The following ZNF516 variants were observed in gnomAD, a reference collection of about 807,000 sequenced individuals.
ZNF516 encodes zinc finger protein 516.
In ZNF516, 19 loss-of-function variants were observed where a neutral mutation model predicts 79.7. The ratio of observed to expected loss-of-function variants is 0.24; its 90% CI spans 0.17 to 0.35. The LOEUF (loss-of-function observed/expected upper bound fraction) is 0.35, where lower values mean the gene tolerates loss of function less well. Among genes scored for constraint, ZNF516 ranks in the 10% least tolerant of loss-of-function variants. The pLI is 1.00. For synonymous variants in ZNF516, 877 were observed against 739.5 expected (o/e 1.19, Z -3.02); for missense variants, 1,678 against 1,679.5 (o/e 1.00, Z 0.02).
In ZNF516 at chr18:76,459,129, G is replaced by A. The variant is rs181219633; in HGVS notation, c.-158+3899C>T. ...ATCTACCAGCAACACTCGTGCCCAT[G>A]TGCCTGGATTACCAGCTTCGCACAG... On this transcript the variant is annotated intron_variant, in intron 2 of 6. Transcript: ENST00000443185. This position sits in a 1 kb window ranked among gnomAD's most constrained non-coding sequence, Gnocchi z 5.0. Among the ~76,000 whole-genome samples the A allele has an allele frequency of 8.4e-4, 128 of 152,350 alleles. No individual in the cohort carries two copies. Among genetic ancestry groups the A allele is most frequent in the African/African-American group, 2.7e-3 (112 of 41,582 alleles).
In ZNF516 at chr18:76,459,070, AC is replaced by A. The variant is rs1285204040; in HGVS notation, c.-158+3957del. 6.6e-6 allele frequency among the ~76,000 whole-genome samples: 1 copy of A among 152,180 alleles called. No individual in the cohort carries two copies. The highest frequency in any genetic ancestry group is 1.9e-4 in the East Asian group (1 of 5,178). ...ATAAAAGCACTCATTCAAATACCCT[AC>A]CTGGAGGCAAACACGCATGTCCACT... is the stretch of plus-strand genomic sequence containing the variant. On this transcript the variant is annotated intron_variant, in intron 2 of 6. Transcript: ENST00000443185. This position sits in a 1 kb window ranked among gnomAD's most constrained non-coding sequence, Gnocchi z 5.0.
At chr18:76,492,873 G>C in intron 1 of ZNF516, 1 of 985,726 alleles carries the variant, frequency 1.0e-6, no homozygotes, top group Non-Finnish European at 1.2e-6. Context: ...TCGAATAAAA[G>C]CGTGTCCACG....
chr18:76,359,577 G>A lies in ZNF516; in HGVS notation c.*2921C>T, dbSNP rs111592541. 1 of 152,288 alleles carries A rather than the reference G, an allele frequency of 6.6e-6. No individual in the cohort carries two copies. Among genetic ancestry groups the A allele is most frequent in the African/African-American group, 2.4e-5 (1 of 41,550 alleles). The allele number at this position is 152,288 out of a possible 1,614,324, so 9.4% of individuals were successfully genotyped here. On this transcript the variant is annotated 3_prime_UTR_variant, in exon 7 of 7. Transcript: ENST00000443185. ...TATGAGCAGGAAACAGGAGAGTATAGGAAGGCAGGCCAGGGTGCAGCCAGG... is the reference window on the plus strand; with the variant it reads ...TATGAGCAGGAAACAGGAGAGTATAAGAAGGCAGGCCAGGGTGCAGCCAGG...
chr18:76,395,650 C>A (rs573538741), intron 3 of ZNF516, among the ~76,000 whole-genome samples: 204 of 152,114 alleles, frequency 1.3e-3, no homozygotes, highest in African/African-American at 4.4e-3. Context: ...CATCCCAGAG[C>A]TACAGTCACT....
In ZNF516 at chr18:76,484,467, T is replaced by C. The variant is rs1914714199; in HGVS notation, c.-272+10677A>G. 2.6e-5 allele frequency among the ~76,000 whole-genome samples: 4 copies of C among 152,180 alleles called. No individual in the cohort carries two copies. In the South Asian group the frequency reaches 8.3e-4, roughly 32 times the overall value. On this transcript the variant is annotated intron_variant, in intron 1 of 6. Coordinates refer to ENST00000443185, the MANE Select transcript of ZNF516 (RefSeq NM_014643.4). Reference sequence around the variant, plus strand: ...CAAGTCAATGTAACACTCCTAACGATATAACACCGTGCTCTAAAATGGCGG... The same window carrying C: ...CAAGTCAATGTAACACTCCTAACGACATAACACCGTGCTCTAAAATGGCGG...
intron 3 of ZNF516, among the ~76,000 whole-genome samples, chr18:76,440,142 A>G (rs2075796539): frequency 6.6e-6 from 1 of 152,236 alleles, no homozygotes; most frequent in Admixed American, 6.5e-5. Context: ...AGGAGAAAAG[A>G]CTTGCCTTCT....
intron 3 of ZNF516, among the ~76,000 whole-genome samples, chr18:76,413,032 C>T (rs1028120891): frequency 1.3e-5 from 2 of 152,198 alleles, no homozygotes; most frequent in Non-Finnish European, 2.9e-5. Context: ...ACTGCACCTG[C>T]CAAGGTAATG....
At chr18:76,494,279 G>A (rs1303231985) in intron 1 of ZNF516, among the ~76,000 whole-genome samples, 1 of 152,150 alleles carries the variant, frequency 6.6e-6, no homozygotes, top group Non-Finnish European at 1.5e-5. Context: ...CCCTGGAAAT[G>A]GCAGCGGAGG....
chr18:76,411,305 C>G (rs945818551), intron 3 of ZNF516, among the ~76,000 whole-genome samples: 1 of 152,208 alleles, frequency 6.6e-6, no homozygotes, highest in Non-Finnish European at 1.5e-5. Context: ...TCACTGCACC[C>G]CAGCTACACA....
intron 1 of ZNF516, among the ~76,000 whole-genome samples, chr18:76,464,499 C>A (rs1234711296): frequency 6.6e-6 from 1 of 152,256 alleles, no homozygotes; most frequent in Admixed American, 6.5e-5. Flanking sequence ...AGGTGCAGAG[C>A]CCCCAGACCT....
At chr18:76,490,413 G>C (rs1463217034) in intron 1 of ZNF516, among the ~76,000 whole-genome samples, 1 of 152,242 alleles carries the variant, frequency 6.6e-6, no homozygotes, top group Non-Finnish European at 1.5e-5. Context: ...AAGTGAAAAT[G>C]AAGCTGGAAC....
At chr18:76,404,865 G>A (rs2075283754) in intron 3 of ZNF516, among the ~76,000 whole-genome samples, 1 of 152,208 alleles carries the variant, frequency 6.6e-6, no homozygotes, top group South Asian at 2.1e-4. Flanking sequence ...GTGAGCATCT[G>A]TCCATGTATG....
intron 1 of ZNF516, among the ~76,000 whole-genome samples, chr18:76,463,836 A>AG (rs1485012025): frequency 6.6e-6 from 1 of 152,254 alleles, no homozygotes; most frequent in Admixed American, 6.5e-5. Flanking sequence ...AACAGACACT[A>AG]GCAAAGTATT....
chr18:76,370,397 A>G (rs2074682972), intron 6 of ZNF516, 131 bp downstream of exon 6: 2 of 890,840 alleles, frequency 2.2e-6, no homozygotes, highest in Non-Finnish European at 3.3e-6. Flanking sequence ...TCCAAGTCAA[A>G]GCATATAGGA....
At chr18:76,485,035 CTTA>C (rs1320653102) in intron 1 of ZNF516, among the ~76,000 whole-genome samples, 2 of 108,804 alleles carry the variant, frequency 1.8e-5, no homozygotes, top group Non-Finnish European at 4.2e-5. Flanking sequence ...TAGGAATTCA[CTTA>C]TTTATTAACA....
At chr18:76,453,519 G>GA (rs1175723982) in intron 2 of ZNF516, among the ~76,000 whole-genome samples, 3 of 152,132 alleles carry the variant, frequency 2.0e-5, no homozygotes, top group African/African-American at 7.2e-5. Flanking sequence ...CAGAAACACT[G>GA]AAAACCTAGG....
Position 76,360,350 on chromosome 18 carries a change from C to T in ZNF516, c.*2148G>A, listed in dbSNP as rs932015485. The stretch of plus-strand genomic sequence containing the variant: ...ACTGGGTCACTAGTCCCTGACATTC[C>T]TAACAGTCACCATTCACTTTCAGCC... On this transcript the variant is annotated 3_prime_UTR_variant, in exon 7 of 7. Transcript: ENST00000443185. The T allele has an allele frequency of 6.6e-6, 1 of 152,078 alleles. No homozygotes were observed. Among genetic ancestry groups the T allele is most frequent in the Non-Finnish European group, 1.5e-5 (1 of 68,000 alleles). 9.4% of individuals were successfully genotyped at this position (152,078 alleles called of 1,614,324 possible).
chr18:76,425,812 T>C (rs1260926953), intron 3 of ZNF516, among the ~76,000 whole-genome samples: 1 of 151,646 alleles, frequency 6.6e-6, no homozygotes, highest in South Asian at 2.1e-4. Context: ...CCACGAGGGG[T>C]CGAGGTCCAG....
At chr18:76,367,496 G>C (rs143316167) in intron 6 of ZNF516, among the ~76,000 whole-genome samples, 1 of 152,168 alleles carries the variant, frequency 6.6e-6, no homozygotes, top group Non-Finnish European at 1.5e-5. Context: ...CCCCAGGCCC[G>C]AGCCTCTGCC....
Sources: gnomAD v4.1 joint callset for allele counts (sites outside exome capture counted in the v4.1 genomes callset) on GRCh38, gnomAD v4.1.1 for gene constraint, Gnocchi (gnomAD v3.1) non-coding constraint, MANE v1.5 for transcripts, NCBI Gene and HGNC (gene_info 2026-07-23, HGNC 2026-07-21) for gene names.